Variants in TMEM131L observed in about 807,000 individuals in gnomAD.
TMEM131L encodes the protein transmembrane 131 like.
Under a neutral mutation model 192.2 loss-of-function variants are expected in TMEM131L, and 54 were observed. The observed-to-expected ratio is 0.28, with a 90% CI of 0.23 to 0.35. The LOEUF (loss-of-function observed/expected upper bound fraction) is 0.35. Ranked by LOEUF, TMEM131L falls within the 10% of genes least tolerant of loss-of-function variation. The pLI, the probability that TMEM131L is intolerant of heterozygous loss-of-function variation, is 1.00. For synonymous variants in TMEM131L, 701 were observed against 704.9 expected, an observed-to-expected ratio of 0.99 and a Z score of 0.09; for missense variants, 1,888 against 1,972.9, an observed-to-expected ratio of 0.96 and a Z score of 0.82.
chr4:153,588,820 C>T (rs778648430), intron 15 of TMEM131L, 70 bp from the exon 16 acceptor site: 27 of 821,196 alleles, frequency 3.3e-5, no homozygotes, highest in Non-Finnish European at 5.0e-5. Context: ...AATATTAAGC[C>T]CTTGGCATTA....
chr4:153,600,061 T>C (rs1216152669), intron 21 of TMEM131L, among the ~76,000 whole-genome samples: 2 of 151,892 alleles, frequency 1.3e-5, no homozygotes, highest in Non-Finnish European at 1.5e-5. Flanking sequence ...AAGAAAAAAA[T>C]AAATCTTTAA....
At chr4:153,504,727 G>T (rs1248053111) in intron 3 of TMEM131L, among the ~76,000 whole-genome samples, 1 of 152,124 alleles carries the variant, frequency 6.6e-6, no homozygotes, top group East Asian at 1.9e-4. Context: ...TCTTAACTAG[G>T]TTATGAGATT....
At chr4:153,527,780 G>T (rs561135903) in intron 3 of TMEM131L, among the ~76,000 whole-genome samples, 38 of 152,306 alleles carry the variant, frequency 2.5e-4, no homozygotes, top group Admixed American at 6.5e-4. Context: ...TTACCTGGCA[G>T]CGTGTGGCTG....
chr4:153,473,667 C>G (rs1291509884), intron 2 of TMEM131L, among the ~76,000 whole-genome samples, 178 bp from the exon 3 acceptor site: 1 of 152,144 alleles, frequency 6.6e-6, no homozygotes, highest in Non-Finnish European at 1.5e-5. Flanking sequence ...TGGCATGTGC[C>G]TATAGTCCCA....
intron 3 of TMEM131L, among the ~76,000 whole-genome samples, chr4:153,474,283 C>G (rs1417776605): frequency 6.6e-6 from 1 of 152,164 alleles, no homozygotes; most frequent in Non-Finnish European, 1.5e-5. Flanking sequence ...ATGCTTATGA[C>G]AAGAGCTATC....
In TMEM131L at chr4:153,536,786, T is replaced by C. The variant is rs529607853; in HGVS notation, c.240-13287T>C. ...GGGAGTTTATTACAAAGTATTAAAC[T>C]CACCCGATCACAAGGTCCAATAGGT... is the stretch of plus-strand genomic sequence containing the variant. On this transcript the variant is annotated intron_variant, in intron 3 of 34. Coordinates refer to ENST00000409959, the MANE Select transcript of TMEM131L (RefSeq NM_001131007.2). Among the ~76,000 whole-genome samples, 6 of 139,694 alleles carry C rather than the reference T, an allele frequency of 4.3e-5. No homozygotes were observed. The East Asian group carries it at 1.5e-3, about 36-fold the overall frequency. The allele number at this position is 139,694 out of a possible 152,430, so 91.6% of individuals were successfully genotyped here.
chr4:153,498,570 T>TG lies in TMEM131L; in HGVS notation c.239+24688dup, dbSNP rs201515170. Among the ~76,000 whole-genome samples the TG allele has an allele frequency of 4.1e-4, 62 of 152,042 alleles. 1 individual carries two copies. In the East Asian group the frequency reaches 0.012, roughly 28 times the overall value. ...GTATTTTTGGAGGTGGGTAGGGAAGTGGGGGGTGAGCAGAGTTCTTTCAAG... is the reference window on the plus strand; with the variant it reads ...GTATTTTTGGAGGTGGGTAGGGAAGTGGGGGGGTGAGCAGAGTTCTTTCAAG... On this transcript the variant is annotated intron_variant, in intron 3 of 34. Transcript: ENST00000409959.
At chr4:153,519,368 C>G (rs1040726027) in intron 3 of TMEM131L, among the ~76,000 whole-genome samples, 1 of 152,144 alleles carries the variant, frequency 6.6e-6, no homozygotes, top group African/African-American at 2.4e-5. Context: ...AGACTTTATA[C>G]CCAAATCCAG....
intron 7 of TMEM131L, among the ~76,000 whole-genome samples, chr4:153,563,121 C>T (rs1414318835): frequency 6.6e-6 from 1 of 152,134 alleles, no homozygotes. Flanking sequence ...ACCCAAGGAT[C>T]CCTGAACATA....
chr4:153,592,278 T>G (rs1452435044), intron 17 of TMEM131L, among the ~76,000 whole-genome samples, 197 bp from the exon 18 acceptor site: 2 of 152,152 alleles, frequency 1.3e-5, no homozygotes, highest in Non-Finnish European at 2.9e-5. Context: ...TTAGTCTCCT[T>G]TAATCTTCCC....
chr4:153,588,047 T>G (rs938629271), intron 15 of TMEM131L, among the ~76,000 whole-genome samples: 4 of 151,128 alleles, frequency 2.6e-5, no homozygotes, highest in Admixed American at 2.6e-4. Context: ...AAGGGTTTTT[T>G]TTTTTTTTTT....
chr4:153,630,192 A>G (rs1013850000), intron 31 of TMEM131L, among the ~76,000 whole-genome samples: 8 of 152,208 alleles, frequency 5.3e-5, no homozygotes, highest in African/African-American at 1.7e-4. Context: ...AGATTTTCAC[A>G]TGCGTACATC....
At chr4:153,592,703 C>A in intron 18 of TMEM131L, 119 bp downstream of exon 18, 1 of 727,092 alleles carries the variant, frequency 1.4e-6, no homozygotes, top group South Asian at 1.6e-5. Context: ...CAGTATTAAC[C>A]GATTAGCTCA....
At chr4:153,501,804 C>G (rs1326019874) in intron 3 of TMEM131L, among the ~76,000 whole-genome samples, 1 of 152,128 alleles carries the variant, frequency 6.6e-6, no homozygotes, top group African/African-American at 2.4e-5. Context: ...CAAGGCCATG[C>G]CTCCTCTGTC....
intron 4 of TMEM131L, among the ~76,000 whole-genome samples, chr4:153,552,934 T>C (rs1477437869): frequency 7.5e-6 from 1 of 132,624 alleles, no homozygotes; most frequent in African/African-American, 3.5e-5. Context: ...TCTTGTGTTG[T>C]TATTTTTTGT....
At position 153,593,162 on chromosome 4, in the gene TMEM131L, G is replaced by T. The variant is rs1372143811; in HGVS notation, c.1922+578G>T. Among the ~76,000 whole-genome samples the T allele has an allele frequency of 3.3e-5, 5 of 152,288 alleles. No homozygotes were observed. The East Asian group carries it at 9.6e-4, about 29-fold the overall frequency. On this transcript the variant is annotated intron_variant, in intron 18 of 34. Transcript: ENST00000409959. ...ATTAAACAGGAAGAGATGATAATTA[G>T]TTCATGTCTGTTATATCTTATTTTC...
At chr4:153,595,942 G>T (rs1038180994) in intron 19 of TMEM131L, among the ~76,000 whole-genome samples, 1 of 152,178 alleles carries the variant, frequency 6.6e-6, no homozygotes, top group African/African-American at 2.4e-5. Flanking sequence ...TCTGTTTTCT[G>T]ATTGATGTTG....
intron 3 of TMEM131L, among the ~76,000 whole-genome samples, chr4:153,499,453 C>T (rs188838723): frequency 2.5e-3 from 370 of 146,340 alleles, no homozygotes; most frequent in African/African-American, 9.1e-3. Context: ...TTTTGAGATG[C>T]GTCTCGCTCT....
intron 3 of TMEM131L, among the ~76,000 whole-genome samples, chr4:153,514,959 C>T (rs193020410): frequency 1.7e-3 from 252 of 151,790 alleles, no homozygotes; most frequent in African/African-American, 5.7e-3. Flanking sequence ...TTATAGGCGC[C>T]TGCCACCACA....
Sources: allele counts gnomAD v4.1 joint callset (sites outside exome capture counted in the v4.1 genomes callset), GRCh38; gene constraint gnomAD v4.1.1; transcripts MANE v1.5; gene names NCBI Gene and HGNC (gene_info 2026-07-23, HGNC 2026-07-21).